Variants in CFAP57 observed in about 807,000 individuals in gnomAD.
CFAP57 encodes the protein cilia- and flagella-associated protein 57.
A neutral mutation model predicts 146.8 loss-of-function variants in CFAP57; 116 were observed. The observed-to-expected ratio is 0.79, with a 90% CI of 0.68 to 0.92. The LOEUF is 0.92. Among genes scored for constraint, CFAP57 ranks in the 40% least tolerant of loss-of-function variants. The probability of loss-of-function intolerance (pLI) is 0.00; values close to 1 mark genes in which losing one functional copy is unlikely to be tolerated. For synonymous variants in CFAP57, 518 were observed against 552.8 expected (o/e 0.94, Z 0.88); for missense variants, 1,377 against 1,527.2 (o/e 0.90, Z 1.64).
At chr1:43,199,537 G>C in intron 9 of CFAP57, 34 bp downstream of exon 9, 1 of 1,602,740 alleles carries the variant, frequency 6.2e-7, no homozygotes, top group Non-Finnish European at 8.5e-7. Flanking sequence ...GGAAACAAGG[G>C]GCACGGAGCC....
At chr1:43,225,560 C>G (rs1013522935) in intron 17 of CFAP57, among the ~76,000 whole-genome samples, 1 of 152,216 alleles carries the variant, frequency 6.6e-6, no homozygotes, top group Non-Finnish European at 1.5e-5. Context: ...CATGAAGACC[C>G]TCACCTCCCT....
At chr1:43,203,200 G>C (rs1159712195) in intron 9 of CFAP57, among the ~76,000 whole-genome samples, 2 of 148,738 alleles carry the variant, frequency 1.3e-5, no homozygotes, top group East Asian at 3.9e-4. Context: ...AACAAAACAA[G>C]AAGAATCTGT....
At chr1:43,194,299 G>C (rs1485029181) in intron 6 of CFAP57, among the ~76,000 whole-genome samples, 2 of 151,922 alleles carry the variant, frequency 1.3e-5, no homozygotes, top group African/African-American at 4.8e-5. Flanking sequence ...TTGTTGCTGA[G>C]ATATCTGCTA....
chr1:43,181,823 C>T lies in CFAP57; in HGVS notation c.447C>T (p.Ile149=), dbSNP rs1267235458. 3 of 1,614,100 alleles carry T rather than the reference C, an allele frequency of 1.9e-6. No individual in the cohort carries two copies. Among genetic ancestry groups the T allele is most frequent in the Non-Finnish European group, 1.7e-6 (2 of 1,180,016 alleles). The change falls in exon 3 of 23, where the codon ATC becomes ATT. Residue 149 remains isoleucine, a synonymous_variant. Transcript: ENST00000372492. ...AGAAAGTAATGGCCATTGTTAGAAT[C>T]GACACTCAGAACAACCCTGTCTACC... The part of the protein sequence containing the change: ...EKQKVMAIVR[I]DTQNNPVYQV...
chr1:43,210,278 C>T (rs1329395071), intron 11 of CFAP57: 1 of 1,448,332 alleles, frequency 6.9e-7, no homozygotes. Context: ...AGCCATAGCC[C>T]TGAAGATTGG....
chr1:43,243,158 G>A, intron 21 of CFAP57, 69 bp from the exon 22 acceptor site: 1 of 1,519,572 alleles, frequency 6.6e-7, no homozygotes, highest in Non-Finnish European at 8.9e-7. Flanking sequence ...CTCAGCCCAG[G>A]AGGGTATGCC....
chr1:43,242,452 G>A (rs1182351874), intron 21 of CFAP57, among the ~76,000 whole-genome samples: 2 of 144,800 alleles, frequency 1.4e-5, no homozygotes, highest in East Asian at 3.9e-4. Context: ...TGAATGGTTG[G>A]TTGGATGGAT....
At chr1:43,220,038 T>A (rs1644984180) in intron 13 of CFAP57, among the ~76,000 whole-genome samples, 1 of 152,172 alleles carries the variant, frequency 6.6e-6, no homozygotes. Flanking sequence ...CACTTTATGG[T>A]GAATGGTATT....
intron 6 of CFAP57, among the ~76,000 whole-genome samples, 176 bp from the exon 7 acceptor site, chr1:43,197,377 T>A (rs1476572677): frequency 1.3e-5 from 2 of 151,878 alleles, no homozygotes; most frequent in African/African-American, 4.8e-5. Flanking sequence ...TAAAATAAAA[T>A]AAAAAATAAT....
intron 21 of CFAP57, 23 bp from the exon 22 acceptor site, chr1:43,243,202 CCT>C (rs1365505101): frequency 3.9e-6 from 6 of 1,548,488 alleles, no homozygotes; most frequent in Non-Finnish European, 5.2e-6. Flanking sequence ...ATCCACCCTC[CCT>C]CTCTCTTCCC....
intron 6 of CFAP57, among the ~76,000 whole-genome samples, chr1:43,191,314 G>A (rs546615332): frequency 9.2e-5 from 14 of 152,050 alleles, no homozygotes; most frequent in Admixed American, 2.0e-4. Flanking sequence ...TTGGCCGGGC[G>A]TGGTGGCTCA....
intron 2 of CFAP57, chr1:43,177,073 C>A (rs931105876): frequency 4.4e-6 from 2 of 453,326 alleles, no homozygotes; most frequent in East Asian, 7.0e-5. Context: ...AAATGAGAAG[C>A]CATAAAGGGG....
rs376782182 is a variant in CFAP57 at position 43,181,742 on chromosome 1, A to G, written c.366A>G (p.Leu122=). The change falls in exon 3 of 23, where the codon CTA becomes CTG. Residue 122 remains leucine (L), a synonymous_variant. Coordinates refer to ENST00000372492, the MANE Select transcript of CFAP57 (RefSeq NM_001378189.1). ...CTTTTTCTCCAGACTCCAAATACCT[A>G]TTGGCTCAGACGTCACCTCCAGAGT... is the stretch of plus-strand genomic sequence containing the variant. The part of the protein sequence containing the change: ...SMAFSPDSKY[L]LAQTSPPESN... The G allele has an allele frequency of 1.0e-4, 162 of 1,613,962 alleles. 2 individuals are homozygous for G. The highest frequency in any genetic ancestry group is 8.9e-4 in the South Asian group (81 of 91,090).
At position 43,172,803 on chromosome 1, in the gene CFAP57, A is replaced by G. The variant is rs1481638031; in HGVS notation, c.50A>G (p.His17Arg). The change falls in exon 2 of 23, where the codon CAC becomes CGC. Residue 17 changes from histidine to arginine, a missense_variant. Transcript: ENST00000372492. ...QTLHVFGLRS[H>R]VANNIFYFDE... ...CTGCATGTTTTTGGTCTTCGATCCCACGTGGCCAACAATATCTTCTACTTC... is the reference window on the plus strand; with the variant it reads ...CTGCATGTTTTTGGTCTTCGATCCCGCGTGGCCAACAATATCTTCTACTTC... The G allele has an allele frequency of 6.2e-7, 1 of 1,614,180 alleles. No individual in the cohort carries two copies.
intron 6 of CFAP57, chr1:43,196,452 T>C (rs193233102): frequency 2.6e-5 from 4 of 153,524 alleles, no homozygotes; most frequent in Non-Finnish European, 5.9e-5. Flanking sequence ...CACCTGATCT[T>C]GTCTGATCTC....
chr1:43,200,036 A>G (rs1370810830), intron 9 of CFAP57, among the ~76,000 whole-genome samples: 1 of 152,048 alleles, frequency 6.6e-6, no homozygotes, highest in Non-Finnish European at 1.5e-5. Flanking sequence ...AGGGCAGAGA[A>G]TATGACCGGA....
intron 11 of CFAP57, chr1:43,210,393 A>G: frequency 1.6e-6 from 2 of 1,235,332 alleles, no homozygotes; most frequent in Non-Finnish European, 2.0e-6. Flanking sequence ...AGTAGTATCT[A>G]TGTTCAACAG....
At chr1:43,188,397 T>A (rs1043715850) in intron 6 of CFAP57, among the ~76,000 whole-genome samples, 12 of 152,164 alleles carry the variant, frequency 7.9e-5, no homozygotes, top group African/African-American at 2.9e-4. Context: ...TATATTCCCA[T>A]AAGCAGTATA....
chr1:43,247,000 TAAAGGA>T (rs1181470923), intron 22 of CFAP57, among the ~76,000 whole-genome samples: 2 of 152,152 alleles, frequency 1.3e-5, no homozygotes. Flanking sequence ...TCTTCTTCAT[TAAAGGA>T]AAAGATCTAA....
Sources: gnomAD v4.1 joint callset for allele counts (sites outside exome capture counted in the v4.1 genomes callset) on GRCh38, gnomAD v4.1.1 for gene constraint, MANE v1.5 for transcripts, NCBI Gene and HGNC (gene_info 2026-07-23, HGNC 2026-07-21) for gene names.